The following ADK variants were observed in gnomAD, a reference collection of about 807,000 sequenced individuals.
ADK encodes adenosine kinase, also known as N6,N6-dimethyladenosine kinase.
Under a neutral mutation model 44.7 loss-of-function variants are expected in ADK, and 24 were observed. The observed-to-expected ratio is 0.54, with a 90% CI of 0.39 to 0.76. ADK has a LOEUF of 0.76. Among genes scored for constraint, ADK ranks in the 30% least tolerant of loss-of-function variants. The pLI is 0.00. For synonymous variants in ADK, 128 were observed against 142.6 expected, an observed-to-expected ratio of 0.90 and a Z score of 0.73; for missense variants, 321 against 425.1, an observed-to-expected ratio of 0.76 and a Z score of 2.15.
chr10:74,527,638 C>G (rs879036848), intron 7 of ADK: 1 of 810,880 alleles, frequency 1.2e-6, no homozygotes, highest in Non-Finnish European at 2.2e-6. Flanking sequence ...AATCTTATGG[C>G]CTCTGAATAT....
chr10:74,502,172 T>G (rs1378796171), intron 6 of ADK, among the ~76,000 whole-genome samples: 2 of 152,098 alleles, frequency 1.3e-5, no homozygotes, highest in African/African-American at 2.4e-5. Context: ...AGAATTTGAG[T>G]ATCTGGATTT....
At chr10:74,606,403 C>T (rs553396110) in intron 9 of ADK, among the ~76,000 whole-genome samples, 1 of 152,314 alleles carries the variant, frequency 6.6e-6, no homozygotes, top group African/African-American at 2.4e-5. Context: ...CTTCTTAACA[C>T]TGCTTTAGCT....
chr10:74,196,792 T>C (rs1274155388), intron 1 of ADK, among the ~76,000 whole-genome samples: 1 of 152,194 alleles, frequency 6.6e-6, no homozygotes, highest in Non-Finnish European at 1.5e-5. Flanking sequence ...AGTTTACCTA[T>C]GTAACAGACC....
At chr10:74,643,400 T>C (rs1366423116) in intron 9 of ADK, among the ~76,000 whole-genome samples, 3 of 152,226 alleles carry the variant, frequency 2.0e-5, no homozygotes, top group Non-Finnish European at 4.4e-5. Context: ...GGCTTCATTG[T>C]GGGTATTTTC....
chr10:74,609,258 G>A (rs554039290), intron 9 of ADK, among the ~76,000 whole-genome samples: 1 of 152,130 alleles, frequency 6.6e-6, no homozygotes. Flanking sequence ...GTTCTGTCTC[G>A]CTGGCGTTCC....
In ADK at chr10:74,377,165, T is replaced by TG. The variant is rs997044348; in HGVS notation, c.274-16975dup. 2.6e-5 allele frequency among the ~76,000 whole-genome samples: 4 copies of TG among 152,318 alleles called. 1 individual carries two copies. The highest frequency in any genetic ancestry group is 4.8e-5 in the African/African-American group (2 of 41,574). On this transcript the variant is annotated intron_variant, in intron 4 of 10. Transcript: ENST00000539909. Reference sequence around the variant, plus strand: ...GGTATCTGAGAAGATTTTTAAAGCATGTGTTTTAGTAACTGGACATCTGAC... The same window carrying TG: ...GGTATCTGAGAAGATTTTTAAAGCATGGTGTTTTAGTAACTGGACATCTGAC...
At chr10:74,546,616 T>TA (rs1410380263) in intron 7 of ADK, among the ~76,000 whole-genome samples, 18 of 152,176 alleles carry the variant, frequency 1.2e-4, no homozygotes, top group African/African-American at 3.9e-4. Flanking sequence ...ATTTAAAAAT[T>TA]ACTTATAAGT....
chr10:74,342,793 G>GTGTGTGTGTGTGTGTGTGTA (rs1841625920), intron 4 of ADK, among the ~76,000 whole-genome samples: 3 of 151,858 alleles, frequency 2.0e-5, no homozygotes, highest in Admixed American at 1.3e-4. Context: ...GTGTGTGTGT[G>GTGTGTGTGTGTGTGTGTGTA]TGTGTGTGTG....
intron 9 of ADK, among the ~76,000 whole-genome samples, chr10:74,627,718 C>T (rs966308329): frequency 6.6e-6 from 1 of 152,144 alleles, no homozygotes; most frequent in Middle Eastern, 3.4e-3. Context: ...CTGCAACCTC[C>T]GCCCCCTGGG....
At chr10:74,157,752 T>A (rs894233069) in intron 1 of ADK, among the ~76,000 whole-genome samples, 5 of 148,476 alleles carry the variant, frequency 3.4e-5, no homozygotes, top group African/African-American at 4.9e-5. Flanking sequence ...ATTAGCTGGA[T>A]GTGGTGGTCC....
chr10:74,160,651 G>A (rs895626289), intron 1 of ADK, among the ~76,000 whole-genome samples: 5 of 151,896 alleles, frequency 3.3e-5, no homozygotes, highest in East Asian at 1.9e-4. Context: ...TGTTGTGTGC[G>A]TGCATGCAGG....
chr10:74,253,281 C>A (rs1461685515), intron 3 of ADK, among the ~76,000 whole-genome samples: 1 of 152,182 alleles, frequency 6.6e-6, no homozygotes, highest in East Asian at 1.9e-4. Context: ...TATTAATACC[C>A]TTTTTTAATA....
intron 7 of ADK, among the ~76,000 whole-genome samples, chr10:74,534,729 A>G (rs1849395403): frequency 6.6e-6 from 1 of 152,150 alleles, no homozygotes; most frequent in Admixed American, 6.5e-5. Flanking sequence ...ATTAAGTTTC[A>G]CTTCACTTTA....
chr10:74,290,386 C>T lies in ADK; in HGVS notation c.195-24281C>T, dbSNP rs143067301. On this transcript the variant is annotated intron_variant, in intron 3 of 10. Coordinates refer to ENST00000539909, the MANE Select transcript of ADK (RefSeq NM_006721.4). The stretch of plus-strand genomic sequence containing the variant: ...TAATTTTGTATGCAAAATAAGTATC[C>T]GTGATATTTTAAAAATATTTACTAA... Among the ~76,000 whole-genome samples, 813 of 152,042 alleles carry T rather than the reference C, an allele frequency of 5.3e-3. 3 individuals are homozygous for T. The highest frequency in any genetic ancestry group is 8.3e-3 in the African/African-American group (345 of 41,470).
intron 7 of ADK, among the ~76,000 whole-genome samples, chr10:74,526,259 A>G (rs1849036767): frequency 6.6e-6 from 1 of 152,186 alleles, no homozygotes; most frequent in Non-Finnish European, 1.5e-5. Flanking sequence ...CTCAACAAGT[A>G]CAGTTTTTTC....
At chr10:74,444,533 T>C (rs1845529471) in intron 6 of ADK, among the ~76,000 whole-genome samples, 1 of 152,140 alleles carries the variant, frequency 6.6e-6, no homozygotes, top group Non-Finnish European at 1.5e-5. Flanking sequence ...TCGAAGTGTT[T>C]ATTTAAATAA....
At chr10:74,266,221 TG>T (rs1340181805) in intron 3 of ADK, among the ~76,000 whole-genome samples, 1 of 152,182 alleles carries the variant, frequency 6.6e-6, no homozygotes, top group East Asian at 1.9e-4. Flanking sequence ...AGTCTTAGAC[TG>T]CTTATTTGAA....
At position 74,414,592 on chromosome 10, in the gene ADK, C is replaced by T. The variant is rs373616155; in HGVS notation, c.555+16013C>T. 5.5e-4 allele frequency among the ~76,000 whole-genome samples: 84 copies of T among 152,006 alleles called. 1 individual carries two copies. Among genetic ancestry groups the T allele is most frequent in the South Asian group, 4.2e-3 (20 of 4,812 alleles). ...CTCTACTAAAAATACAAAAATTAGC[C>T]GGGCGTGGTGGCGCATGCCTGTAAT... On this transcript the variant is annotated intron_variant, in intron 6 of 10. Coordinates refer to ENST00000539909, the MANE Select transcript of ADK (RefSeq NM_006721.4).
chr10:74,576,897 T>G (rs1851202097), intron 7 of ADK, among the ~76,000 whole-genome samples: 1 of 151,902 alleles, frequency 6.6e-6, no homozygotes, highest in African/African-American at 2.4e-5. Context: ...GAAAGGAGGG[T>G]CTACATGGTA....
Sources: allele counts gnomAD v4.1 joint callset (sites outside exome capture counted in the v4.1 genomes callset), GRCh38; gene constraint gnomAD v4.1.1; transcripts MANE v1.5; gene names NCBI Gene and HGNC (gene_info 2026-07-23, HGNC 2026-07-21).